The following PXDN variants were observed in gnomAD, a reference collection of about 807,000 sequenced individuals.
PXDN encodes peroxidasin homolog.
PXDN carries 77 observed loss-of-function variants against 140.3 expected under a neutral mutation model. That is an observed-to-expected ratio of 0.55 (90% CI 0.46 to 0.66). PXDN has a LOEUF of 0.66. PXDN is among the 30% of genes least tolerant of loss of function. The probability of loss-of-function intolerance (pLI) is 0.00; values close to 1 mark genes in which losing one functional copy is unlikely to be tolerated. For synonymous variants in PXDN, 911 were observed against 857.4 expected, an observed-to-expected ratio of 1.06 and a Z score of -1.09; for missense variants, 1,838 against 2,039.5, an observed-to-expected ratio of 0.90 and a Z score of 1.90.
intron 1 of PXDN, among the ~76,000 whole-genome samples, chr2:1,715,003 C>G (rs1684862933): frequency 2.0e-5 from 3 of 152,154 alleles, no homozygotes; most frequent in Admixed American, 2.0e-4. Context: ...CCCCCTCCCC[C>G]CATCCCCGGC....
In PXDN at chr2:1,706,906, ACGC is replaced by A. The variant is rs1312844830; in HGVS notation, c.201-13775_201-13773del. 3.2e-3 allele frequency among the ~76,000 whole-genome samples: 460 copies of A among 145,464 alleles called. 3 individuals carry two copies. Among genetic ancestry groups the A allele is most frequent in the Admixed American group, 3.9e-3 (57 of 14,440 alleles). On this transcript the variant is annotated intron_variant, in intron 1 of 22. Coordinates refer to ENST00000252804, the MANE Select transcript of PXDN (RefSeq NM_012293.3). ...CCCACTAATAATACAATCCGAGAGCACGCTTCACTGTTCACCAATCAGCTCTAA... is the reference window on the plus strand; with the variant it reads ...CCCACTAATAATACAATCCGAGAGCATTCACTGTTCACCAATCAGCTCTAA...
At position 1,663,767 on chromosome 2, in the gene PXDN, C is replaced by G. The variant is rs776790436; in HGVS notation, c.1409-4G>C. On this transcript the variant is annotated splice_polypyrimidine_tract_variant and splice_region_variant and intron_variant, in intron 11 of 22. Coordinates refer to ENST00000252804, the MANE Select transcript of PXDN (RefSeq NM_012293.3). ...CGGTCCACGGAGAGCTGGCTCCCTG[C>G]AAGGGCATGGGCCCGTTACACTGGA... The G allele has an allele frequency of 1.2e-6, 2 of 1,611,616 alleles. No homozygotes were observed. The highest frequency in any genetic ancestry group is 2.2e-5 in the East Asian group (1 of 44,892).
rs577563374 is a variant in PXDN, at chr2:1,685,115, G to A, written c.417-964C>T. Among the ~76,000 whole-genome samples the A allele has an allele frequency of 1.3e-3, 199 of 152,334 alleles. 1 individual carries two copies. Among genetic ancestry groups the A allele is most frequent in the African/African-American group, 4.4e-3 (182 of 41,582 alleles). On this transcript the variant is annotated intron_variant, in intron 4 of 22. Coordinates refer to ENST00000252804, the MANE Select transcript of PXDN (RefSeq NM_012293.3). The surrounding 1 kb of genome is among the most constrained non-coding windows in gnomAD (Gnocchi z 5.1). ...TCACCGTCACCACCAGGGCACCAGA[G>A]TGCGGCTGCCAGGGCCCGCCCCGTC... is the stretch of plus-strand genomic sequence containing the variant.
At chr2:1,727,870 T>C (rs956787771) in intron 1 of PXDN, among the ~76,000 whole-genome samples, 3 of 152,214 alleles carry the variant, frequency 2.0e-5, no homozygotes, top group East Asian at 1.9e-4. Flanking sequence ...CTAAAGAAGA[T>C]TGGTTAAGGA....
chr2:1,658,019 A>C (rs1338499412), intron 14 of PXDN, among the ~76,000 whole-genome samples: 2 of 99,894 alleles, frequency 2.0e-5, no homozygotes, highest in Non-Finnish European at 3.7e-5. Flanking sequence ...ACTCCATTTC[A>C]GCTGTGGGCT....
At chr2:1,742,450 C>A (rs1685568045) in intron 1 of PXDN, among the ~76,000 whole-genome samples, 1 of 152,226 alleles carries the variant, frequency 6.6e-6, no homozygotes, top group African/African-American at 2.4e-5. Flanking sequence ...ACTCTCAGCT[C>A]CTTTTTCAAA....
Position 1,683,730 on chromosome 2 carries a change from G to A in PXDN, c.489-3C>T. ...TAATCCGGTTGTTATGCAAAAATCT[G>A]TTGAAAGAGATTTTATAACAAACCA... On this transcript the variant is annotated splice_region_variant and splice_polypyrimidine_tract_variant and intron_variant, in intron 5 of 22. Coordinates refer to ENST00000252804, the MANE Select transcript of PXDN (RefSeq NM_012293.3). 6.3e-7 allele frequency: 1 copy of A among 1,595,128 alleles called. No homozygotes were observed. The highest frequency in any genetic ancestry group is 8.5e-7 in the Non-Finnish European group (1 of 1,172,376).
At chr2:1,743,998 T>C (rs934910927) in intron 1 of PXDN, among the ~76,000 whole-genome samples, 3 of 152,038 alleles carry the variant, frequency 2.0e-5, no homozygotes, top group African/African-American at 4.8e-5. Flanking sequence ...CAAAGGCGGC[T>C]ACGAAGGCCG....
intron 19 of PXDN, among the ~76,000 whole-genome samples, chr2:1,640,897 C>A (rs902871588): frequency 5.3e-5 from 8 of 152,188 alleles, no homozygotes; most frequent in African/African-American, 1.9e-4. Context: ...GCACACCAGC[C>A]CCAACCCCAG....
At chr2:1,736,153 C>T (rs1034079160) in intron 1 of PXDN, among the ~76,000 whole-genome samples, 8 of 152,182 alleles carry the variant, frequency 5.3e-5, no homozygotes, top group South Asian at 2.1e-4. Context: ...AATGTTGTGG[C>T]TGGTTTGCTC....
At position 1,653,598 on chromosome 2, in the gene PXDN, G is replaced by A. The variant is rs557052312; in HGVS notation, c.2104+30C>T. 3.7e-6 allele frequency: 6 copies of A among 1,609,680 alleles called. No individual in the cohort carries two copies. The East Asian group carries it at 1.1e-4, about 30-fold the overall frequency. ...TGTTCAACCCCGTTACTCAGGCCAT[G>A]GAGGAGGAAGAAAAGGCTTTGGCAC... On this transcript the variant is annotated intron_variant, in intron 16 of 22. Coordinates refer to ENST00000252804, the MANE Select transcript of PXDN (RefSeq NM_012293.3).
intron 19 of PXDN, 151 bp downstream of exon 19, chr2:1,643,217 G>T: frequency 1.2e-6 from 1 of 858,540 alleles, no homozygotes; most frequent in African/African-American, 1.7e-5. Flanking sequence ...GTCCATCTCA[G>T]CATGGATACA....
intron 16 of PXDN, chr2:1,653,156 G>C (rs971051866): frequency 8.0e-6 from 2 of 251,266 alleles, no homozygotes; most frequent in Non-Finnish European, 1.6e-5. Flanking sequence ...TCCCCCAACA[G>C]CATCTCCACA....
At chr2:1,647,740 C>T (rs1411782359) in intron 17 of PXDN, among the ~76,000 whole-genome samples, 2 of 152,230 alleles carry the variant, frequency 1.3e-5, no homozygotes, top group South Asian at 2.1e-4. Context: ...AGACACCAAG[C>T]TCTGCCTCTC....
intron 17 of PXDN, among the ~76,000 whole-genome samples, chr2:1,647,389 C>T (rs368647789): frequency 1.8e-4 from 27 of 152,306 alleles, no homozygotes; most frequent in African/African-American, 5.3e-4. Context: ...GCTATGGACC[C>T]GGCAGCCCTG....
chr2:1,725,753 A>T (rs1215843661), intron 1 of PXDN, among the ~76,000 whole-genome samples: 5 of 152,238 alleles, frequency 3.3e-5, no homozygotes, highest in Non-Finnish European at 4.4e-5. Flanking sequence ...CAACCCCATC[A>T]AAAAGTGGGC....
intron 9 of PXDN, among the ~76,000 whole-genome samples, chr2:1,667,304 C>T (rs1271168066): frequency 6.6e-6 from 1 of 151,882 alleles, no homozygotes; most frequent in East Asian, 1.9e-4. Context: ...GCTAGCCAGA[C>T]TAATAAAGAA....
intron 1 of PXDN, among the ~76,000 whole-genome samples, chr2:1,722,510 T>G (rs1041587421): frequency 1.3e-5 from 2 of 152,238 alleles, no homozygotes; most frequent in African/African-American, 4.8e-5. Context: ...TCATTTTCTT[T>G]GGAGCTTTAT....
intron 1 of PXDN, among the ~76,000 whole-genome samples, chr2:1,716,112 C>T (rs1684887449): frequency 6.6e-6 from 1 of 152,098 alleles, no homozygotes; most frequent in African/African-American, 2.4e-5. Context: ...GATGCCTGGG[C>T]CTCTCTGAGC....
Sources: gnomAD v4.1 joint callset for allele counts (sites outside exome capture counted in the v4.1 genomes callset) on GRCh38, gnomAD v4.1.1 for gene constraint, Gnocchi (gnomAD v3.1) non-coding constraint, MANE v1.5 for transcripts, NCBI Gene and HGNC (gene_info 2026-07-23, HGNC 2026-07-21) for gene names.